Variants in DLC1 observed in about 807,000 individuals in gnomAD.
DLC1 encodes the protein DLC1 Rho GTPase activating protein.
DLC1 carries 54 observed loss-of-function variants against 140.3 expected under a neutral mutation model. The observed-to-expected ratio is 0.38, with a 90% CI of 0.31 to 0.48. DLC1 has a LOEUF of 0.48. DLC1 is among the 20% of genes least tolerant of loss of function. The probability of loss-of-function intolerance (pLI) is 0.96; values close to 1 mark genes in which losing one functional copy is unlikely to be tolerated. For synonymous variants in DLC1, 986 were observed against 728.1 expected, an observed-to-expected ratio of 1.35 and a Z score of -5.70; for missense variants, 2,536 against 1,907.0, an observed-to-expected ratio of 1.33 and a Z score of -6.14.
At chr8:13,181,991 A>G (rs1585856760) in intron 5 of DLC1, among the ~76,000 whole-genome samples, 3 of 152,270 alleles carry the variant, frequency 2.0e-5, no homozygotes, top group African/African-American at 7.2e-5. Context: ...CGTCTTCTCC[A>G]GCACCTGTTG....
intron 5 of DLC1, among the ~76,000 whole-genome samples, chr8:13,289,153 C>T (rs1415220552): frequency 3.3e-5 from 5 of 152,070 alleles, no homozygotes; most frequent in African/African-American, 9.7e-5. Context: ...CTCTATAATT[C>T]CTTCACCCCC....
intron 5 of DLC1, among the ~76,000 whole-genome samples, chr8:13,135,536 G>C (rs1357257313): frequency 1.3e-5 from 2 of 152,042 alleles, no homozygotes; most frequent in East Asian, 1.9e-4. Flanking sequence ...ATTTTGAAAA[G>C]ATCGCTCAGG....
intron 4 of DLC1, among the ~76,000 whole-genome samples, chr8:13,366,123 C>G (rs919637870): frequency 1.3e-5 from 2 of 152,190 alleles, no homozygotes; most frequent in Non-Finnish European, 2.9e-5. Context: ...CGAAGAGAAG[C>G]CTCTACGGCT....
At position 13,554,240 on chromosome 8, in the gene DLC1, T is replaced by C. The variant is rs187208784; in HGVS notation, c.-126+50297A>G. 9.3e-4 allele frequency among the ~76,000 whole-genome samples: 142 copies of C among 152,282 alleles called. 1 individual carries two copies. Among genetic ancestry groups the C allele is most frequent in the Admixed American group, 3.1e-3 (48 of 15,296 alleles). On this transcript the variant is annotated intron_variant, in intron 1 of 1. Transcript: ENST00000631382. The stretch of plus-strand genomic sequence containing the variant: ...CGCCAACACACCCTGCTAATTTTTG[T>C]ACTTTTAGTAGAGATGGGGTTTCGC...
At chr8:13,556,937 TG>T (rs1355475046) in intron 1 of DLC1, among the ~76,000 whole-genome samples, 1 of 152,214 alleles carries the variant, frequency 6.6e-6, no homozygotes, top group Non-Finnish European at 1.5e-5. Flanking sequence ...CCAGCCCTGG[TG>T]GGGCTGAAAG....
chr8:13,352,847 A>G (rs1407918060), intron 4 of DLC1, among the ~76,000 whole-genome samples: 3 of 152,338 alleles, frequency 2.0e-5, no homozygotes, highest in Non-Finnish European at 4.4e-5. Flanking sequence ...TACTGAATGC[A>G]CACCTACCAG....
At chr8:13,208,011 G>A (rs1249747445) in intron 5 of DLC1, among the ~76,000 whole-genome samples, 1 of 152,178 alleles carries the variant, frequency 6.6e-6, no homozygotes, top group East Asian at 1.9e-4. Context: ...AGTGCAAAAT[G>A]TCTAGTATTT....
chr8:13,423,772 C>T (rs1318308069), intron 2 of DLC1, among the ~76,000 whole-genome samples: 2 of 152,046 alleles, frequency 1.3e-5, no homozygotes, highest in African/African-American at 4.8e-5. Context: ...TTTAACAGAT[C>T]CTGTCACCAT....
intron 3 of DLC1, among the ~76,000 whole-genome samples, chr8:13,401,187 G>A (rs548977176): frequency 1.7e-3 from 252 of 152,198 alleles, no homozygotes; most frequent in Non-Finnish European, 2.9e-3. Flanking sequence ...AATTAAGGAA[G>A]GTTTGATCAC....
intron 2 of DLC1, among the ~76,000 whole-genome samples, chr8:13,474,176 G>A (rs1176071155): frequency 6.6e-6 from 1 of 152,158 alleles, no homozygotes; most frequent in Non-Finnish European, 1.5e-5. Flanking sequence ...TGGGGATTTG[G>A]TGGCCTGTGT....
Position 13,115,845 on chromosome 8 carries a change from C to T in DLC1, c.1349-188G>A, listed in dbSNP as rs551472659. ...GTATGCATCGTTTCCAGTTTTTTCA[C>T]GTGTACATGAGGATGTATTTTCCCT... On this transcript the variant is annotated intron_variant, in intron 5 of 17. Coordinates refer to ENST00000276297, the MANE Select transcript of DLC1 (RefSeq NM_182643.3). Among the ~76,000 whole-genome samples, 18 of 152,208 alleles carry T rather than the reference C, an allele frequency of 1.2e-4. 1 individual carries two copies. The highest frequency in any genetic ancestry group is 3.4e-3 in the Middle Eastern group (1 of 294).
chr8:13,339,063 G>A (rs998971598), intron 4 of DLC1, among the ~76,000 whole-genome samples: 1 of 152,112 alleles, frequency 6.6e-6, no homozygotes, highest in Non-Finnish European at 1.5e-5. Flanking sequence ...ATGAATACGG[G>A]CTCAGTAAAT....
chr8:13,499,693 C>T lies in DLC1; in HGVS notation c.379G>A (p.Val127Ile). Reference protein sequence around the residue: ...ADLCLTDDKQVLNTQGQKTSG... With the variant: ...ADLCLTDDKQILNTQGQKTSG... ...GTTTTCTGCCCTTGGGTATTTAAAA[C>T]CTGTTTATCATCTGTAAGGCATAAA... Residue 127 changes from valine (V) to isoleucine (I), a missense_variant, in exon 2 of 18, where the codon GTT (valine) becomes ATT (isoleucine). By Grantham distance (29) the Val-to-Ile change is conservative. Coordinates refer to ENST00000276297, the MANE Select transcript of DLC1 (RefSeq NM_182643.3). 6.2e-7 allele frequency: 1 copy of T among 1,614,138 alleles called. No homozygotes were observed. The highest frequency in any genetic ancestry group is 8.5e-7 in the Non-Finnish European group (1 of 1,180,014).
At chr8:13,380,847 CTGCCTTCTTGG>C (rs1836220082) in intron 4 of DLC1, among the ~76,000 whole-genome samples, 2 of 152,212 alleles carry the variant, frequency 1.3e-5, no homozygotes, top group Admixed American at 1.3e-4. Context: ...CTCAATTCTC[CTGCCTTCTTGG>C]AGGTTATAAT....
At chr8:13,188,833 A>G (rs1482025690) in intron 5 of DLC1, among the ~76,000 whole-genome samples, 14 of 26,544 alleles carry the variant, frequency 5.3e-4, no homozygotes, top group African/African-American at 1.5e-3. Flanking sequence ...ATATGTATAT[A>G]TATATATATA....
At chr8:13,428,872 C>A (rs1262548280) in intron 2 of DLC1, among the ~76,000 whole-genome samples, 1 of 152,034 alleles carries the variant, frequency 6.6e-6, no homozygotes, top group Non-Finnish European at 1.5e-5. Context: ...ATACAGTAAC[C>A]CAATTATAGA....
At chr8:13,487,622 G>C (rs1490815835) in intron 2 of DLC1, among the ~76,000 whole-genome samples, 1 of 150,822 alleles carries the variant, frequency 6.6e-6, no homozygotes, top group Admixed American at 6.6e-5. Context: ...TGCCCAGGCT[G>C]GAGTGCAATG....
At chr8:13,481,770 G>A (rs866252225) in intron 2 of DLC1, among the ~76,000 whole-genome samples, 10 of 152,234 alleles carry the variant, frequency 6.6e-5, no homozygotes, top group Middle Eastern at 3.4e-3. Flanking sequence ...TGGAAATAGG[G>A]TTTTTGTAGA....
At chr8:13,545,633 G>A (rs1803626628) in intron 1 of DLC1, among the ~76,000 whole-genome samples, 1 of 152,034 alleles carries the variant, frequency 6.6e-6, no homozygotes, top group African/African-American at 2.4e-5. Context: ...ACCATATAAA[G>A]AGAACATTTA....
Sources: gnomAD v4.1 joint callset for allele counts (sites outside exome capture counted in the v4.1 genomes callset) on GRCh38, gnomAD v4.1.1 for gene constraint, MANE v1.5 for transcripts, NCBI Gene and HGNC (gene_info 2026-07-23, HGNC 2026-07-21) for gene names.